Variants in GALNT9 observed in about 807,000 individuals in gnomAD.
The protein encoded by GALNT9 is GalNAc transferase 9.
A neutral mutation model predicts 63.1 loss-of-function variants in GALNT9; 47 were observed. That is an observed-to-expected ratio of 0.75 (90% CI 0.59 to 0.95). The LOEUF is 0.95. Among genes scored for constraint, GALNT9 ranks in the 40% least tolerant of loss-of-function variants. The probability of loss-of-function intolerance (pLI) is 0.00; values close to 1 mark genes in which losing one functional copy is unlikely to be tolerated. For missense variants in GALNT9, 829 were observed against 874.8 expected (o/e 0.95, Z 0.66); for synonymous variants, 396 against 365.7 (o/e 1.08, Z -0.94).
chr12:132,276,468 A>G (rs951427141), intron 2 of GALNT9: 3 of 155,052 alleles, frequency 1.9e-5, no homozygotes, highest in African/African-American at 7.2e-5. Context: ...TAGACAGAGC[A>G]GCTTCATCAG....
At chr12:132,303,141 T>C (rs986887226) in intron 1 of GALNT9, among the ~76,000 whole-genome samples, 2 of 152,016 alleles carry the variant, frequency 1.3e-5, no homozygotes, top group Admixed American at 6.5e-5. Flanking sequence ...ACACTGTGGC[T>C]GTCACCCCTG....
At position 132,204,364 on chromosome 12, in the gene GALNT9, C is replaced by T. The variant is rs747935727; in HGVS notation, c.1078-674G>A. Among the ~76,000 whole-genome samples, 10 of 152,134 alleles carry T rather than the reference C, an allele frequency of 6.6e-5. 1 individual carries two copies. The highest frequency in any genetic ancestry group is 1.2e-4 in the Non-Finnish European group (8 of 68,034). ...CCTGTGAGGGTTGGTTTTGTGTCAG[C>T]GTGGCAGGGAACAGGGTGCTGGGAC... On this transcript the variant is annotated intron_variant, in intron 6 of 10. Coordinates refer to ENST00000328957, the MANE Select transcript of GALNT9 (RefSeq NM_001122636.2).
intron 6 of GALNT9, among the ~76,000 whole-genome samples, chr12:132,217,741 TC>T (rs1345549158): frequency 4.3e-5 from 6 of 140,710 alleles, no homozygotes. Flanking sequence ...CATCCATCCA[TC>T]CATCCACTCA....
intron 1 of GALNT9, among the ~76,000 whole-genome samples, chr12:132,288,503 A>G (rs1460021198): frequency 3.3e-5 from 5 of 152,284 alleles, no homozygotes; most frequent in African/African-American, 1.2e-4. Flanking sequence ...AGGCAGGCAC[A>G]GCAGCTTCTA....
chr12:132,253,805 G>A (rs958429213), intron 5 of GALNT9, among the ~76,000 whole-genome samples: 6 of 152,150 alleles, frequency 3.9e-5, no homozygotes, highest in Admixed American at 1.3e-4. Flanking sequence ...CGGAAATGCC[G>A]TCCTGGAGCA....
chr12:132,200,764 G>T, intron 8 of GALNT9: 1 of 260,836 alleles, frequency 3.8e-6, no homozygotes, highest in Non-Finnish European at 7.3e-6. Flanking sequence ...ACATACGTGA[G>T]AGCGTAGGTA....
chr12:132,325,906 A>T (rs1284168790), intron 1 of GALNT9, among the ~76,000 whole-genome samples: 1 of 152,266 alleles, frequency 6.6e-6, no homozygotes, highest in Non-Finnish European at 1.5e-5. Flanking sequence ...GGCAGGGGTG[A>T]TTCTCCTCTC....
chr12:132,239,567 GAC>G (rs1878156834), intron 6 of GALNT9, among the ~76,000 whole-genome samples: 1 of 151,056 alleles, frequency 6.6e-6, no homozygotes, highest in Non-Finnish European at 1.5e-5. Flanking sequence ...GAGACAGAGA[GAC>G]ACAGAGACAG....
At chr12:132,207,849 A>G (rs1017763021) in intron 6 of GALNT9, among the ~76,000 whole-genome samples, 24 of 152,192 alleles carry the variant, frequency 1.6e-4, no homozygotes, top group Admixed American at 9.2e-4. Flanking sequence ...GTGAACCCCC[A>G]TGCCCTCAGC....
intron 1 of GALNT9, among the ~76,000 whole-genome samples, chr12:132,320,048 G>T (rs1868710136): frequency 6.6e-6 from 1 of 152,210 alleles, no homozygotes; most frequent in Non-Finnish European, 1.5e-5. Flanking sequence ...TCAGACTTGA[G>T]TTTTCTGTAG....
At chr12:132,256,728 T>C (rs1879134828) in intron 5 of GALNT9, among the ~76,000 whole-genome samples, 1 of 151,588 alleles carries the variant, frequency 6.6e-6, no homozygotes, top group South Asian at 2.1e-4. Context: ...CAGAAGGAGC[T>C]GCCGGTTTTC....
At chr12:132,211,528 C>T (rs1236558622) in intron 6 of GALNT9, among the ~76,000 whole-genome samples, 1 of 152,122 alleles carries the variant, frequency 6.6e-6, no homozygotes, top group Non-Finnish European at 1.5e-5. Flanking sequence ...CTGCCTTTCG[C>T]GCTGGCCAGA....
chr12:132,197,891 G>A lies in GALNT9; in HGVS notation c.1566C>T (p.Asp522=). 1 of 1,611,698 alleles carries A rather than the reference G, an allele frequency of 6.2e-7. No homozygotes were observed. The highest frequency in any genetic ancestry group is 8.5e-7 in the Non-Finnish European group (1 of 1,179,342). The change falls in exon 10 of 11, where the codon GAC becomes GAT. Residue 522 remains aspartate (D), a synonymous_variant. Coordinates refer to ENST00000328957, the MANE Select transcript of GALNT9 (RefSeq NM_001122636.2). ...GPLGSTAFLP[D]SKCLVDDGTG... Reference sequence around the variant, plus strand: ...TGCCGTCATCCACCAGACACTTGGAGTCAGGCAAGAAGGCTGTGGAGCCCA... The same window carrying A: ...TGCCGTCATCCACCAGACACTTGGAATCAGGCAAGAAGGCTGTGGAGCCCA...
intron 6 of GALNT9, among the ~76,000 whole-genome samples, chr12:132,241,015 C>G (rs1257228637): frequency 4.5e-5 from 5 of 111,054 alleles, no homozygotes; most frequent in African/African-American, 7.5e-5. Flanking sequence ...TCCCTATACC[C>G]ATTACACACA....
chr12:132,200,804 A>G, intron 8 of GALNT9: 1 of 367,518 alleles, frequency 2.7e-6, no homozygotes, highest in Non-Finnish European at 5.0e-6. Flanking sequence ...ACACGCATGG[A>G]TGTGACTACA....
At chr12:132,197,586 G>A (rs922225869) in intron 10 of GALNT9, among the ~76,000 whole-genome samples, 2 of 148,808 alleles carry the variant, frequency 1.3e-5, no homozygotes, top group African/African-American at 5.2e-5. Flanking sequence ...CCCCTCTCTG[G>A]CTGTGTGACC....
At chr12:132,249,377 A>C (rs782105405) in intron 5 of GALNT9, among the ~76,000 whole-genome samples, 36 of 152,354 alleles carry the variant, frequency 2.4e-4, no homozygotes, top group Middle Eastern at 3.4e-3. Flanking sequence ...TAAAGGAAGC[A>C]ATTCTGTCCC....
intron 6 of GALNT9, among the ~76,000 whole-genome samples, chr12:132,209,599 C>A (rs1808930441): frequency 6.6e-6 from 1 of 152,034 alleles, no homozygotes; most frequent in South Asian, 2.1e-4. Flanking sequence ...CCACCAAAAC[C>A]AAGATGGCAA....
Position 132,319,748 on chromosome 12 carries a change from G to T in GALNT9, c.238+9218C>A, listed in dbSNP as rs541557173. 2.6e-5 allele frequency among the ~76,000 whole-genome samples: 4 copies of T among 152,190 alleles called. No homozygotes were observed. The highest frequency in any genetic ancestry group is 7.2e-5 in the African/African-American group (3 of 41,438). On this transcript the variant is annotated intron_variant, in intron 1 of 10. Transcript: ENST00000328957. The surrounding 1 kb of genome is among the most constrained non-coding windows in gnomAD (Gnocchi z 5.2). ...ACGCGGCCACAGGTCACCTCAGGTCGCCTCGGGTGCTCCTCCCGCAGCCCC... is the reference window on the plus strand; with the variant it reads ...ACGCGGCCACAGGTCACCTCAGGTCTCCTCGGGTGCTCCTCCCGCAGCCCC...
Sources: allele counts gnomAD v4.1 joint callset (sites outside exome capture counted in the v4.1 genomes callset), GRCh38; gene constraint gnomAD v4.1.1; non-coding constraint Gnocchi (gnomAD v3.1); transcripts MANE v1.5; gene names NCBI Gene and HGNC (gene_info 2026-07-23, HGNC 2026-07-21).